Variants in PPP3CA observed in about 807,000 individuals in gnomAD.
The protein encoded by PPP3CA is protein phosphatase 3 catalytic subunit alpha.
A neutral mutation model predicts 66.5 loss-of-function variants in PPP3CA; 14 were observed. The ratio of observed to expected loss-of-function variants is 0.21; its 90% CI spans 0.14 to 0.33. The LOEUF (loss-of-function observed/expected upper bound fraction) is 0.33. Among genes scored for constraint, PPP3CA ranks in the 10% least tolerant of loss-of-function variants. The pLI is 1.00. For missense variants in PPP3CA, 317 were observed against 639.5 expected, an observed-to-expected ratio of 0.50 and a Z score of 5.44; for synonymous variants, 232 against 226.2, an observed-to-expected ratio of 1.03 and a Z score of -0.23.
chr4:101,275,033 G>A (rs1727446120), intron 1 of PPP3CA, among the ~76,000 whole-genome samples: 1 of 152,050 alleles, frequency 6.6e-6, no homozygotes, highest in African/African-American at 2.4e-5. Context: ...CAGTGATTGG[G>A]CTCCAAAAAG....
At chr4:101,146,475 C>T (rs1268368604) in intron 2 of PPP3CA, among the ~76,000 whole-genome samples, 1 of 151,636 alleles carries the variant, frequency 6.6e-6, no homozygotes, top group Non-Finnish European at 1.5e-5. Flanking sequence ...TGGAGTCTCG[C>T]TCTGTCGCCC....
At chr4:101,181,564 A>G (rs73833256) in intron 2 of PPP3CA, among the ~76,000 whole-genome samples, 3,814 of 152,200 alleles carry the variant, frequency 0.025, 178 homozygotes, top group African/African-American at 0.086. Context: ...CTTTCCTCAA[A>G]TAAGTATAAT....
intron 1 of PPP3CA, among the ~76,000 whole-genome samples, chr4:101,333,270 GTTTTTT>G (rs70961788): frequency 0.022 from 1,059 of 47,240 alleles, 86 homozygotes; most frequent in African/African-American, 0.038. Flanking sequence ...ACCATGCCCA[GTTTTTT>G]TTTTTTTTTT....
intron 8 of PPP3CA, among the ~76,000 whole-genome samples, chr4:101,069,390 A>G (rs138480023): frequency 6.6e-6 from 1 of 152,298 alleles, no homozygotes; most frequent in East Asian, 1.9e-4. Flanking sequence ...CTAGGTGGAA[A>G]TGGAAATACA....
rs1042665919 is a variant in PPP3CA, at chr4:101,342,017, A to T, written c.58+4722T>A. 3.9e-5 allele frequency among the ~76,000 whole-genome samples: 6 copies of T among 152,296 alleles called. No homozygotes were observed. The South Asian group carries it at 8.3e-4, about 21-fold the overall frequency. ...AAATTTACACATAGCTGACACAAAA[A>T]AAGATAAGGAAAAGCATGAGAGGCC... is the stretch of plus-strand genomic sequence containing the variant. On this transcript the variant is annotated intron_variant, in intron 1 of 13. Transcript: ENST00000394854.
intron 1 of PPP3CA, among the ~76,000 whole-genome samples, chr4:101,336,986 T>C (rs534539454): frequency 6.6e-6 from 1 of 152,224 alleles, no homozygotes; most frequent in East Asian, 1.9e-4. Context: ...CCAATCCTTC[T>C]CCCCAGCAAA....
intron 1 of PPP3CA, among the ~76,000 whole-genome samples, chr4:101,236,593 T>A (rs1378779621): frequency 6.6e-6 from 1 of 152,012 alleles, no homozygotes; most frequent in East Asian, 1.9e-4. Context: ...TGGCCAGTCC[T>A]TTGCCTTGAT....
intron 1 of PPP3CA, among the ~76,000 whole-genome samples, chr4:101,333,103 CTTTT>C (rs66790132): frequency 3.4e-5 from 3 of 88,290 alleles, no homozygotes; most frequent in African/African-American, 4.4e-5. Flanking sequence ...CATCTTCTTT[CTTTT>C]TTTTTTTTTT....
chr4:101,320,924 T>C lies in PPP3CA; in HGVS notation c.58+25815A>G, dbSNP rs113957900. On this transcript the variant is annotated intron_variant, in intron 1 of 13. Transcript: ENST00000394854. ...AAATCCGGATCTACAAGATGGGTAT[T>C]GTTGCTCCAGCATAAAAAAATGACT... is the stretch of plus-strand genomic sequence containing the variant. 1.1e-4 allele frequency among the ~76,000 whole-genome samples: 16 copies of C among 152,292 alleles called. 1 individual carries two copies. Among genetic ancestry groups the C allele is most frequent in the African/African-American group, 3.6e-4 (15 of 41,558 alleles).
intron 2 of PPP3CA, among the ~76,000 whole-genome samples, chr4:101,167,824 A>G (rs1723741211): frequency 6.6e-6 from 1 of 152,190 alleles, no homozygotes; most frequent in Non-Finnish European, 1.5e-5. Context: ...GAGAAAGAGA[A>G]GGGAAGCCAG....
chr4:101,329,025 C>T (rs1458644818), intron 1 of PPP3CA, among the ~76,000 whole-genome samples: 1 of 145,154 alleles, frequency 6.9e-6, no homozygotes, highest in Non-Finnish European at 1.5e-5. Context: ...TGAAAAGTTG[C>T]ACATGTTTCA....
intron 2 of PPP3CA, among the ~76,000 whole-genome samples, chr4:101,158,672 G>T (rs1288874600): frequency 6.6e-6 from 1 of 152,046 alleles, no homozygotes; most frequent in Non-Finnish European, 1.5e-5. Flanking sequence ...TATCACTGGT[G>T]CCCATAAATA....
rs1341362253 is a variant in PPP3CA at position 101,026,076 on chromosome 4, A to G, written c.1370-15T>C. On this transcript the variant is annotated splice_polypyrimidine_tract_variant and intron_variant, in intron 13 of 13. Transcript: ENST00000394854. ...TCCTTTGATAGCTAAACAGAAAATCATTAAAAAAAGAAAACCAGGATTATC... is the reference window on the plus strand; with the variant it reads ...TCCTTTGATAGCTAAACAGAAAATCGTTAAAAAAAGAAAACCAGGATTATC... 1 of 1,571,068 alleles carries G rather than the reference A, an allele frequency of 6.4e-7. No individual in the cohort carries two copies. Among genetic ancestry groups the G allele is most frequent in the East Asian group, 2.3e-5 (1 of 44,362 alleles).
At chr4:101,346,448 C>CCCACCACCG (rs1729997559) in intron 1 of PPP3CA, among the ~76,000 whole-genome samples, 1 of 152,116 alleles carries the variant, frequency 6.6e-6, no homozygotes, top group Non-Finnish European at 1.5e-5. Flanking sequence ...GGCGCCCCCT[C>CCCACCACCG]CCACCACCGC....
At chr4:101,187,201 G>T (rs1323177583) in intron 2 of PPP3CA, among the ~76,000 whole-genome samples, 1 of 152,120 alleles carries the variant, frequency 6.6e-6, no homozygotes, top group Admixed American at 6.6e-5. Flanking sequence ...GACCTGCACA[G>T]CAGAGATTAA....
chr4:101,129,306 G>A (rs912865852), intron 2 of PPP3CA, among the ~76,000 whole-genome samples: 2 of 152,190 alleles, frequency 1.3e-5, no homozygotes, highest in African/African-American at 4.8e-5. Context: ...GGAAAGGGCA[G>A]CTGTGGGCAC....
intron 2 of PPP3CA, among the ~76,000 whole-genome samples, chr4:101,110,190 C>A (rs1430759032): frequency 6.6e-6 from 1 of 152,110 alleles, no homozygotes; most frequent in Non-Finnish European, 1.5e-5. Flanking sequence ...AAGAGTTACA[C>A]AGAATGAACG....
intron 3 of PPP3CA, among the ~76,000 whole-genome samples, chr4:101,104,096 T>G (rs1333522342): frequency 6.6e-6 from 1 of 152,276 alleles, no homozygotes; most frequent in East Asian, 1.9e-4. Flanking sequence ...ACCTAGTGCT[T>G]ATAAATATAC....
At chr4:101,145,429 G>A (rs1722938993) in intron 2 of PPP3CA, among the ~76,000 whole-genome samples, 1 of 152,110 alleles carries the variant, frequency 6.6e-6, no homozygotes, top group African/African-American at 2.4e-5. Context: ...TATACATAAG[G>A]GAGTGCTATT....
Sources: allele counts gnomAD v4.1 joint callset (sites outside exome capture counted in the v4.1 genomes callset), GRCh38; gene constraint gnomAD v4.1.1; transcripts MANE v1.5; gene names NCBI Gene and HGNC (gene_info 2026-07-23, HGNC 2026-07-21).